The following CRISPLD2 variants were observed in gnomAD, a reference collection of about 807,000 sequenced individuals.
CRISPLD2 encodes the protein cysteine-rich secretory protein LCCL domain-containing 2.
CRISPLD2 carries 47 observed loss-of-function variants against 71.1 expected under a neutral mutation model. The ratio of observed to expected loss-of-function variants is 0.66; its 90% CI spans 0.52 to 0.84. The LOEUF is 0.84. Ranked by LOEUF, CRISPLD2 falls within the 40% of genes least tolerant of loss-of-function variation. The pLI, the probability that CRISPLD2 is intolerant of heterozygous loss-of-function variation, is 0.00. For synonymous variants in CRISPLD2, 317 were observed against 250.1 expected (o/e 1.27, Z -2.52); for missense variants, 830 against 651.1 (o/e 1.27, Z -2.99).
intron 14 of CRISPLD2, among the ~76,000 whole-genome samples, chr16:84,890,719 C>T (rs910363752): frequency 3.9e-5 from 6 of 152,000 alleles, no homozygotes; most frequent in East Asian, 1.9e-4. Context: ...CACTTGAACC[C>T]GGGAGGTAGA....
intron 2 of CRISPLD2, among the ~76,000 whole-genome samples, chr16:84,843,578 G>A (rs543416268): frequency 5.3e-5 from 8 of 152,336 alleles, no homozygotes; most frequent in African/African-American, 1.7e-4. Flanking sequence ...TCACCTGCAT[G>A]ATGGGAACAA....
intron 1 of CRISPLD2, chr16:84,836,196 A>C (rs2143165911): frequency 6.6e-6 from 1 of 152,358 alleles, no homozygotes; most frequent in South Asian, 2.1e-4. Flanking sequence ...TATCCCCAAG[A>C]TATCTCATTA....
In CRISPLD2 at chr16:84,848,117, C is replaced by A. The variant is rs192529996; in HGVS notation, c.360-1268C>A. Reference sequence around the variant, plus strand: ...AAAGAGCCCCTGACTCTGCATGGCCCCCCGGGGCAGCCGCGGGTTCCTTTC... The same window carrying A: ...AAAGAGCCCCTGACTCTGCATGGCCACCCGGGGCAGCCGCGGGTTCCTTTC... On this transcript the variant is annotated intron_variant, in intron 3 of 14. Transcript: ENST00000262424. 2.5e-4 allele frequency among the ~76,000 whole-genome samples: 38 copies of A among 152,290 alleles called. No individual in the cohort carries two copies. The East Asian group carries it at 7.2e-3, about 29-fold the overall frequency.
At position 84,880,095 on chromosome 16, in the gene CRISPLD2, T is replaced by G. The variant is rs531666134; in HGVS notation, c.1230-414T>G. Among the ~76,000 whole-genome samples, 328 of 152,256 alleles carry G rather than the reference T, an allele frequency of 2.2e-3. 3 individuals are homozygous for G. Among genetic ancestry groups the G allele is most frequent in the Middle Eastern group, 6.8e-3 (2 of 294 alleles). On this transcript the variant is annotated intron_variant, in intron 12 of 14. Coordinates refer to ENST00000262424, the MANE Select transcript of CRISPLD2 (RefSeq NM_031476.4). ...CAGCGAGGTGAGGGCCCTCCACCCT[T>G]TCCTCCTCCACACAGGGAAGCGGCC...
At chr16:84,886,652 A>G (rs2071616349) in intron 13 of CRISPLD2, among the ~76,000 whole-genome samples, 1 of 152,022 alleles carries the variant, frequency 6.6e-6, no homozygotes, top group African/African-American at 2.4e-5. Flanking sequence ...GTGAAACCCC[A>G]TCTCTAAAGA....
rs1165131571 is a variant in CRISPLD2, at chr16:84,857,914, G to T, written c.709+3085G>T. ...CCATTTGATGATGGAATGCTGCTGT[G>T]CACGACCCGCTTTATGGCTCGATGG... On this transcript the variant is annotated intron_variant, in intron 6 of 14. Transcript: ENST00000262424. Among the ~76,000 whole-genome samples, 5 of 152,190 alleles carry T rather than the reference G, an allele frequency of 3.3e-5. No individual in the cohort carries two copies. The East Asian group carries it at 9.6e-4, about 29-fold the overall frequency.
At chr16:84,904,121 TG>T (rs2071780021) in intron 14 of CRISPLD2, among the ~76,000 whole-genome samples, 1 of 152,174 alleles carries the variant, frequency 6.6e-6, no homozygotes, top group African/African-American at 2.4e-5. Flanking sequence ...GAGACAGCCG[TG>T]GTGGCCCTTG....
chr16:84,845,738 C>A (rs747835060), intron 2 of CRISPLD2, 48 bp from the exon 3 acceptor site: 1 of 1,269,896 alleles, frequency 7.9e-7, no homozygotes, highest in Non-Finnish European at 1.1e-6. Flanking sequence ...GTTCTTATGC[C>A]CCTCCCTCAC....
intron 6 of CRISPLD2, among the ~76,000 whole-genome samples, chr16:84,862,264 G>C (rs947118828): frequency 6.6e-6 from 1 of 151,886 alleles, no homozygotes; most frequent in Non-Finnish European, 1.5e-5. Context: ...GTGCAGTGGC[G>C]TAATCTTGGC....
chr16:84,854,208 G>A (rs1917169123), intron 5 of CRISPLD2, among the ~76,000 whole-genome samples: 1 of 152,326 alleles, frequency 6.6e-6, no homozygotes, highest in African/African-American at 2.4e-5. Context: ...TTCCTCCTCT[G>A]CAAAAATATT....
intron 14 of CRISPLD2, among the ~76,000 whole-genome samples, chr16:84,896,097 G>GGC (rs1387718755): frequency 6.7e-6 from 1 of 149,944 alleles, no homozygotes; most frequent in East Asian, 2.0e-4. Context: ...GGGATGCAGT[G>GGC]GCGCGATCTC....
chr16:84,844,848 C>A (rs761871145), intron 2 of CRISPLD2, among the ~76,000 whole-genome samples: 40 of 152,088 alleles, frequency 2.6e-4, no homozygotes, highest in Non-Finnish European at 5.0e-4. Flanking sequence ...GCAGCCAGGC[C>A]CTGGGCTGGG....
At chr16:84,852,283 A>G (rs943998633) in intron 5 of CRISPLD2, among the ~76,000 whole-genome samples, 6 of 152,222 alleles carry the variant, frequency 3.9e-5, no homozygotes, top group Non-Finnish European at 7.3e-5. Flanking sequence ...GTCCACGGCA[A>G]TAGCCCTCTA....
intron 8 of CRISPLD2, among the ~76,000 whole-genome samples, chr16:84,870,717 TA>T (rs1382933676): frequency 6.6e-6 from 1 of 152,242 alleles, no homozygotes; most frequent in Admixed American, 6.5e-5. Flanking sequence ...TGAATGTGTT[TA>T]GCCATTGCTT....
Position 84,895,126 on chromosome 16 carries a change from C to A in CRISPLD2, c.1439+5763C>A, listed in dbSNP as rs550988504. 3.3e-5 allele frequency among the ~76,000 whole-genome samples: 5 copies of A among 152,284 alleles called. No individual in the cohort carries two copies. In the East Asian group the frequency reaches 5.8e-4, roughly 18 times the overall value. On this transcript the variant is annotated intron_variant, in intron 14 of 14. Transcript: ENST00000262424. ...TCTGCACACGTTAGCACATCTCATT[C>A]CCCAACAGCCCTGCAAAGTAGGAAC...
At chr16:84,898,102 C>G (rs2071722387) in intron 14 of CRISPLD2, among the ~76,000 whole-genome samples, 1 of 152,138 alleles carries the variant, frequency 6.6e-6, no homozygotes, top group African/African-American at 2.4e-5. Flanking sequence ...TTCCTTTTTT[C>G]TTTCACTGTA....
chr16:84,835,646 C>T (rs1451967069), intron 1 of CRISPLD2, among the ~76,000 whole-genome samples: 1 of 152,228 alleles, frequency 6.6e-6, no homozygotes, highest in Non-Finnish European at 1.5e-5. Flanking sequence ...TCCCATTCCT[C>T]TCCCCTTTTC....
chr16:84,876,596 A>C (rs28362093), intron 11 of CRISPLD2, among the ~76,000 whole-genome samples: 9,237 of 148,288 alleles, frequency 0.062, 929 homozygotes, highest in African/African-American at 0.22. Context: ...AGTTCGAGAC[A>C]AGCCTGGCCA....
At chr16:84,880,655 T>C (rs752007258) in intron 13 of CRISPLD2, 71 bp downstream of exon 13, 1 of 1,144,516 alleles carries the variant, frequency 8.7e-7, no homozygotes, top group South Asian at 1.3e-5. Flanking sequence ...AGCTCCAAGA[T>C]CTGGATACTT....
Sources: allele counts gnomAD v4.1 joint callset (sites outside exome capture counted in the v4.1 genomes callset), GRCh38; gene constraint gnomAD v4.1.1; transcripts MANE v1.5; gene names NCBI Gene and HGNC (gene_info 2026-07-23, HGNC 2026-07-21).